SPO11: variants seen among roughly 807,000 people sequenced by gnomAD.
SPO11 encodes meiotic recombination protein SPO11.
A neutral mutation model predicts 51.6 loss-of-function variants in SPO11; 49 were observed. The observed-to-expected ratio is 0.95, with a 90% confidence interval of 0.75 to 1.20. The LOEUF is 1.20. Ranked by LOEUF, SPO11 falls within the 50% of genes most tolerant of loss-of-function variation. The probability of loss-of-function intolerance (pLI) is 0.00; values close to 1 mark genes in which losing one functional copy is unlikely to be tolerated. For synonymous variants in SPO11, 176 were observed against 158.2 expected, an observed-to-expected ratio of 1.11 and a Z score of -0.84; for missense variants, 431 against 473.4, an observed-to-expected ratio of 0.91 and a Z score of 0.83.
Position 57,343,394 on chromosome 20 carries a change from C to T in SPO11, c.1125C>T (p.Phe375=), listed in dbSNP as rs1413971773. ...KMKAEIQALT[F]LSSDYLSRVY... The stretch of plus-strand genomic sequence containing the variant: ...AGGCAGAAATTCAAGCTTTGACTTT[C>T]CTATCATCAGATTATCTTTCCAGAG... The change falls in exon 13 of 13, where the codon TTC becomes TTT. Residue 375 remains phenylalanine (F), a synonymous_variant. Coordinates refer to ENST00000371263, the MANE Select transcript of SPO11 (RefSeq NM_012444.3). 1 of 1,611,030 alleles carries T rather than the reference C, an allele frequency of 6.2e-7. No homozygotes were observed. The highest frequency in any genetic ancestry group is 8.5e-7 in the Non-Finnish European group (1 of 1,178,936).
intron 1 of SPO11, among the ~76,000 whole-genome samples, chr20:57,331,250 A>C (rs1013857698): frequency 2.0e-5 from 3 of 152,226 alleles, no homozygotes; most frequent in Admixed American, 2.0e-4. Flanking sequence ...AGAACTCACA[A>C]TTTATTCTTT....
intron 9 of SPO11, 98 bp downstream of exon 9, chr20:57,338,473 A>C (rs2066541183): frequency 1.1e-6 from 1 of 886,018 alleles, no homozygotes; most frequent in East Asian, 2.7e-5. Flanking sequence ...TTTGAGATTG[A>C]GTCCTGCTCT....
At chr20:57,330,128 A>C (rs563620626) in intron 1 of SPO11, 130 bp downstream of exon 1, 2 of 1,309,708 alleles carry the variant, frequency 1.5e-6, no homozygotes, top group East Asian at 5.1e-5. Context: ...AGGAACCCCC[A>C]AAAAGATCCT....
In SPO11 at chr20:57,335,471, G is replaced by C; in HGVS notation, c.634+16G>C. The C allele has an allele frequency of 1.2e-6, 2 of 1,606,680 alleles. 1 individual carries two copies. Among genetic ancestry groups the C allele is most frequent in the Non-Finnish European group, 1.7e-6 (2 of 1,176,806 alleles). On this transcript the variant is annotated intron_variant, in intron 7 of 12. Transcript: ENST00000371263. Reference sequence around the variant, plus strand: ...GGAATTCGGAGTATCCTTTAAGTGGGAAAACTATTTAAACTTTTGGAATGT... The same window carrying C: ...GGAATTCGGAGTATCCTTTAAGTGGCAAAACTATTTAAACTTTTGGAATGT...
intron 11 of SPO11, among the ~76,000 whole-genome samples, 167 bp downstream of exon 11, chr20:57,340,345 G>A (rs939387273): frequency 6.6e-6 from 1 of 152,112 alleles, no homozygotes; most frequent in Non-Finnish European, 1.5e-5. Context: ...TAATGTTTCT[G>A]TTTCAACTAC....
intron 10 of SPO11, among the ~76,000 whole-genome samples, chr20:57,339,303 C>T (rs1233260122): frequency 6.6e-6 from 1 of 152,088 alleles, no homozygotes; most frequent in African/African-American, 2.4e-5. Context: ...AACTGTGGGG[C>T]TCTGGGGTGA....
intron 8 of SPO11, 141 bp downstream of exon 8, chr20:57,336,048 A>T (rs1427119650): frequency 1.0e-5 from 6 of 584,228 alleles, no homozygotes; most frequent in Non-Finnish European, 1.8e-5. Flanking sequence ...GGAATTTCCA[A>T]TGTGTTTATT....
chr20:57,337,811 G>C, intron 8 of SPO11: 2 of 1,289,592 alleles, frequency 1.6e-6, no homozygotes, highest in Non-Finnish European at 2.0e-6. Flanking sequence ...CTGTGACTCA[G>C]ATATGAACCA....
At chr20:57,336,951 C>T (rs1183707471) in intron 8 of SPO11, among the ~76,000 whole-genome samples, 1 of 152,152 alleles carries the variant, frequency 6.6e-6, no homozygotes, top group African/African-American at 2.4e-5. Context: ...TATTTTACCA[C>T]GTCTCTATGG....
chr20:57,338,204 AT>A (rs2066536474), intron 8 of SPO11, 71 bp from the exon 9 acceptor site: 2 of 1,128,492 alleles, frequency 1.8e-6, no homozygotes, highest in African/African-American at 3.2e-5. Flanking sequence ...CTTTTAAATT[AT>A]TAATAAGAGT....
intron 7 of SPO11, 98 bp downstream of exon 7, chr20:57,335,553 G>T: frequency 8.2e-7 from 1 of 1,223,286 alleles, no homozygotes. Flanking sequence ...TAAGGAACAA[G>T]TTAGGCCCTG....
chr20:57,343,610 A>G lies in SPO11; in HGVS notation c.*150A>G. ...TTCCGTTAATTATATATTTTTGTCA[A>G]AACAAATGCTGTACTCCAATTTTCT... On this transcript the variant is annotated 3_prime_UTR_variant, in exon 13 of 13. Coordinates refer to ENST00000371263, the MANE Select transcript of SPO11 (RefSeq NM_012444.3). 3 of 916,382 alleles carry G rather than the reference A, an allele frequency of 3.3e-6. No individual in the cohort carries two copies. The highest frequency in any genetic ancestry group is 3.0e-6 in the Non-Finnish European group (2 of 656,136). 56.8% of individuals were successfully genotyped at this position (916,382 alleles called of 1,614,324 possible). A position where few individuals can be genotyped will look rare whatever the true frequency, so the allele number is the denominator to read the frequency against.
At chr20:57,338,114 T>G (rs1282268799) in intron 8 of SPO11, among the ~76,000 whole-genome samples, 162 bp from the exon 9 acceptor site, 1 of 152,158 alleles carries the variant, frequency 6.6e-6, no homozygotes, top group East Asian at 1.9e-4. Context: ...CTCAAATTCC[T>G]GACCTCAGGT....
At position 57,335,856 on chromosome 20, in the gene SPO11, G is replaced by A. The variant is rs780432207; in HGVS notation, c.693G>A (p.Arg231=). ...LIVEKDATFQ[R]LLDDNFCNKL... is the part of the protein sequence containing the mutation. ...TAGAAAAAGATGCAACATTTCAGCG[G>A]CTCCTAGATGACAACTTTTGCAACA... Residue 231 remains arginine, a synonymous_variant, in exon 8 of 13, where the codon CGG becomes CGA. Transcript: ENST00000371263. 10 of 1,613,006 alleles carry A rather than the reference G, an allele frequency of 6.2e-6. No individual in the cohort carries two copies. In the East Asian group the frequency reaches 6.7e-5, roughly 11 times the overall value.
chr20:57,334,805 G>A lies in SPO11; in HGVS notation c.566G>A (p.Gly189Asp). The change falls in exon 6 of 13, where the codon GGC (glycine) becomes GAC (aspartate). Residue 189 changes from glycine (G) to aspartate (D), a missense_variant. Coordinates refer to ENST00000371263, the MANE Select transcript of SPO11 (RefSeq NM_012444.3). ...AGNLRYIEED[G>D]TKVNCTCGAT... ...AACTTAAGATACATCGAGGAAGATG[G>A]CACCAAAGTGAATTGTACCTGTGGT... 6.2e-7 allele frequency: 1 copy of A among 1,613,824 alleles called. No individual in the cohort carries two copies. The highest frequency in any genetic ancestry group is 8.5e-7 in the Non-Finnish European group (1 of 1,179,852).
At chr20:57,335,539 T>C (rs1030240743) in intron 7 of SPO11, 84 bp downstream of exon 7, 12 of 1,392,884 alleles carry the variant, frequency 8.6e-6, no homozygotes, top group South Asian at 1.3e-5. Flanking sequence ...GCCTTCATAA[T>C]GTGTAAGGAA....
At chr20:57,334,128 T>C (rs1310083016) in intron 5 of SPO11, 33 bp downstream of exon 5, 2 of 1,121,694 alleles carry the variant, frequency 1.8e-6, no homozygotes, top group Non-Finnish European at 2.5e-6. Flanking sequence ...CATTTTATTT[T>C]AAAACAAAAT....
Position 57,329,952 on chromosome 20 carries a change from A to C in SPO11, c.85A>C (p.Arg29=). ...HRESLLAALR[R]GGREPPTGGS... ...GGAGTCCCTGCTGGCTGCCCTGAGGAGAGGTGGCAGGGAGCCCCCAACTGG... is the reference window on the plus strand; with the variant it reads ...GGAGTCCCTGCTGGCTGCCCTGAGGCGAGGTGGCAGGGAGCCCCCAACTGG... The change falls in exon 1 of 13, where the codon AGA becomes CGA. Residue 29 remains arginine, a synonymous_variant. Coordinates refer to ENST00000371263, the MANE Select transcript of SPO11 (RefSeq NM_012444.3). 6.2e-7 allele frequency: 1 copy of C among 1,612,600 alleles called. No individual in the cohort carries two copies. The highest frequency in any genetic ancestry group is 8.5e-7 in the Non-Finnish European group (1 of 1,179,638).
In SPO11 at chr20:57,340,172, T is replaced by C; in HGVS notation, c.953T>C (p.Leu318Pro). The C allele has an allele frequency of 6.3e-7, 1 of 1,598,912 alleles. No homozygotes were observed. The highest frequency in any genetic ancestry group is 8.6e-7 in the Non-Finnish European group (1 of 1,166,204). ...TGGCTTGGTCTTCTCCCTTCTGATC[T>C]TAAAAGGTTAGATAGTATAGCAGAA... ...IRWLGLLPSD[L>P]KRLNVPKDSL... The change falls in exon 11 of 13, where the codon CTT becomes CCT. Residue 318 changes from leucine (L) to proline (P), a missense_variant. Transcript: ENST00000371263.
Sources: allele counts gnomAD v4.1 joint callset (sites outside exome capture counted in the v4.1 genomes callset), GRCh38; gene constraint gnomAD v4.1.1; transcripts MANE v1.5; gene names NCBI Gene and HGNC (gene_info 2026-07-23, HGNC 2026-07-21).